GSPT1: variants seen among roughly 807,000 people sequenced by gnomAD.
GSPT1 encodes G1 to S phase transition 1.
A neutral mutation model predicts 72.5 loss-of-function variants in GSPT1; 20 were observed. The observed-to-expected ratio is 0.28, with a 90% CI of 0.19 to 0.40. The LOEUF (loss-of-function observed/expected upper bound fraction) is 0.40, where lower values mean the gene tolerates loss of function less well. GSPT1 is among the 10% of genes least tolerant of loss of function. The probability of loss-of-function intolerance (pLI) is 1.00; values close to 1 mark genes in which losing one functional copy is unlikely to be tolerated. For missense variants in GSPT1, 580 were observed against 811.9 expected (o/e 0.71, Z 3.47); for synonymous variants, 334 against 293.5 (o/e 1.14, Z -1.41).
intron 5 of GSPT1, among the ~76,000 whole-genome samples, chr16:11,892,588 C>T (rs569016562): frequency 2.1e-4 from 32 of 149,118 alleles, no homozygotes; most frequent in Non-Finnish European, 2.2e-4. Context: ...CAGCACTTTG[C>T]GAGGCCAAAG....
rs553054332 is a variant in GSPT1 at position 11,892,655 on chromosome 16, C to G, written c.699-1516G>C. On this transcript the variant is annotated intron_variant, in intron 5 of 14. Coordinates refer to ENST00000434724, the MANE Select transcript of GSPT1 (RefSeq NM_002094.4). Reference sequence around the variant, plus strand: ...CAGCCTGACCAACATGGTGAAACCTCATCTCTACTAAAAATACAAAAAAAT... The same window carrying G: ...CAGCCTGACCAACATGGTGAAACCTGATCTCTACTAAAAATACAAAAAAAT... 5.3e-5 allele frequency among the ~76,000 whole-genome samples: 8 copies of G among 150,584 alleles called. No individual in the cohort carries two copies. The South Asian group carries it at 1.7e-3, about 32-fold the overall frequency.
rs1158026034 is a variant in GSPT1, at chr16:11,911,854, A to ATTTTTTTTTTTTTTTTTTTTTTT, written c.352+3492_352+3514dup. ...GGCATGAGCCACTGCACCCAGCTGTATTTTTTTTTTTTTTTTTTTTTTTTT... is the reference window on the plus strand; with the variant it reads ...GGCATGAGCCACTGCACCCAGCTGTATTTTTTTTTTTTTTTTTTTTTTTTTTTTTTTTTTTTTTTTTTTTTTTT... On this transcript the variant is annotated intron_variant, in intron 1 of 14. Transcript: ENST00000434724. 1.3e-4 allele frequency among the ~76,000 whole-genome samples: 6 copies of ATTTTTTTTTTTTTTTTTTTTTTT among 45,410 alleles called. 2 individuals are homozygous for ATTTTTTTTTTTTTTTTTTTTTTT. Among genetic ancestry groups the ATTTTTTTTTTTTTTTTTTTTTTT allele is most frequent in the Admixed American group, 3.8e-4 (1 of 2,636 alleles). 29.8% of individuals were successfully genotyped at this position (45,410 alleles called of 152,430 possible). A position where few individuals can be genotyped will look rare whatever the true frequency, so the allele number is the denominator to read the frequency against.
chr16:11,868,176 A>T lies in GSPT1; in HGVS notation c.*4943T>A, dbSNP rs1006467656. On this transcript the variant is annotated 3_prime_UTR_variant, in exon 15 of 15. Coordinates refer to ENST00000434724, the MANE Select transcript of GSPT1 (RefSeq NM_002094.4). ...TTATTGTTATTACAAAAGCAAATTTAATTTGTCATTTGAATAATTGCAAGA... is the reference window on the plus strand; with the variant it reads ...TTATTGTTATTACAAAAGCAAATTTTATTTGTCATTTGAATAATTGCAAGA... 2 of 152,194 alleles carry T rather than the reference A, an allele frequency of 1.3e-5. No individual in the cohort carries two copies. The highest frequency in any genetic ancestry group is 4.8e-5 in the African/African-American group (2 of 41,450). 9.4% of individuals were successfully genotyped at this position (152,194 alleles called of 1,614,324 possible).
chr16:11,891,497 G>A (rs745962337), intron 5 of GSPT1, among the ~76,000 whole-genome samples: 2 of 151,316 alleles, frequency 1.3e-5, no homozygotes, highest in African/African-American at 2.4e-5. Context: ...GAGTAGCTGG[G>A]ATTACAGGCA....
At chr16:11,893,748 C>T (rs539370818) in intron 5 of GSPT1, among the ~76,000 whole-genome samples, 8 of 152,212 alleles carry the variant, frequency 5.3e-5, no homozygotes, top group African/African-American at 1.7e-4. Context: ...TGAAACATAA[C>T]ATCATATGGC....
intron 14 of GSPT1, among the ~76,000 whole-genome samples, chr16:11,875,073 C>T (rs1567433609): frequency 6.6e-6 from 1 of 152,076 alleles, no homozygotes; most frequent in Non-Finnish European, 1.5e-5. Context: ...CCTATAGTCC[C>T]AGCTACTCGG....
intron 1 of GSPT1, among the ~76,000 whole-genome samples, chr16:11,905,437 C>A (rs967375164): frequency 3.3e-5 from 5 of 152,148 alleles, no homozygotes; most frequent in African/African-American, 1.2e-4. Flanking sequence ...TACACACTTG[C>A]CTACCTAATC....
intron 6 of GSPT1, among the ~76,000 whole-genome samples, chr16:11,889,406 C>G (rs969509098): frequency 7.6e-6 from 1 of 132,030 alleles, no homozygotes. Flanking sequence ...GGCACCATCT[C>G]GGCTCACTGC....
rs901214504 is a variant in GSPT1 at position 11,869,097 on chromosome 16, C to G, written c.*4022G>C. On this transcript the variant is annotated 3_prime_UTR_variant, in exon 15 of 15. Coordinates refer to ENST00000434724, the MANE Select transcript of GSPT1 (RefSeq NM_002094.4). The stretch of plus-strand genomic sequence containing the variant: ...TCAAGAATATCCTAGAGCCAAAAAC[C>G]ACCAAAAGTTGAACCAAATCTACCT... 6.6e-6 allele frequency: 1 copy of G among 152,134 alleles called. No homozygotes were observed. The highest frequency in any genetic ancestry group is 1.5e-5 in the Non-Finnish European group (1 of 68,028). The allele number at this position is 152,134 out of a possible 1,614,324, so 9.4% of individuals were successfully genotyped here.
intron 1 of GSPT1, among the ~76,000 whole-genome samples, chr16:11,910,181 G>GA (rs535130571): frequency 8.6e-5 from 13 of 150,978 alleles, no homozygotes; most frequent in South Asian, 4.2e-4. Context: ...CAGGAGGCCA[G>GA]AAAAAAAAAT....
intron 1 of GSPT1, among the ~76,000 whole-genome samples, chr16:11,902,658 G>A (rs181066841): frequency 1.3e-5 from 2 of 151,574 alleles, no homozygotes; most frequent in Admixed American, 6.6e-5. Context: ...CGCAGTCTCG[G>A]CTCACTGCAA....
intron 6 of GSPT1, among the ~76,000 whole-genome samples, 153 bp from the exon 7 acceptor site, chr16:11,887,903 A>G (rs1167103686): frequency 6.6e-6 from 1 of 152,218 alleles, no homozygotes; most frequent in African/African-American, 2.4e-5. Flanking sequence ...GGTGGCTCAC[A>G]TCTGTAATCT....
At chr16:11,914,359 C>T (rs867902498) in intron 1 of GSPT1, among the ~76,000 whole-genome samples, 6 of 152,312 alleles carry the variant, frequency 3.9e-5, no homozygotes, top group Middle Eastern at 3.4e-3. Context: ...ATTCCTACAA[C>T]GTCAGCACCT....
At chr16:11,890,318 C>T (rs1271580756) in intron 6 of GSPT1, among the ~76,000 whole-genome samples, 1 of 152,088 alleles carries the variant, frequency 6.6e-6, no homozygotes, top group East Asian at 1.9e-4. Context: ...AAACTGAAAG[C>T]CACTAACGCA....
chr16:11,909,794 G>A (rs1190691373), intron 1 of GSPT1, among the ~76,000 whole-genome samples: 6 of 151,980 alleles, frequency 3.9e-5, no homozygotes, highest in South Asian at 4.2e-4. Flanking sequence ...GCGTGGTGGC[G>A]GGCACCTGTA....
intron 5 of GSPT1, among the ~76,000 whole-genome samples, chr16:11,892,003 A>G (rs1052518817): frequency 6.6e-6 from 1 of 152,084 alleles, no homozygotes; most frequent in Non-Finnish European, 1.5e-5. Flanking sequence ...TGGATGCTAA[A>G]ATTATGGAAA....
intron 3 of GSPT1, 100 bp from the exon 4 acceptor site, chr16:11,896,885 A>G (rs551659777): frequency 1.3e-6 from 1 of 782,938 alleles, no homozygotes; most frequent in South Asian, 1.7e-5. Flanking sequence ...TTGCATATGT[A>G]GTTCCATTTC....
chr16:11,873,210 C>T (rs1419316222), intron 14 of GSPT1, 39 bp from the exon 15 acceptor site: 2 of 997,558 alleles, frequency 2.0e-6, no homozygotes, highest in Non-Finnish European at 3.2e-6. Flanking sequence ...CAGTAGTTAA[C>T]AGCAAGTCTA....
chr16:11,896,018 A>T (rs33637), intron 4 of GSPT1, among the ~76,000 whole-genome samples: 67,199 of 152,094 alleles, frequency 0.44, 15,787 homozygotes, highest in East Asian at 0.76. Flanking sequence ...GAAATGAAAG[A>T]CACATAATTC....
Sources: allele counts gnomAD v4.1 joint callset (sites outside exome capture counted in the v4.1 genomes callset), GRCh38; gene constraint gnomAD v4.1.1; transcripts MANE v1.5; gene names NCBI Gene and HGNC (gene_info 2026-07-23, HGNC 2026-07-21).